Variants in CTNNA3 observed in about 807,000 individuals in gnomAD.
CTNNA3 encodes catenin alpha 3.
In CTNNA3, 76 loss-of-function variants were observed where a neutral mutation model predicts 95.7. The observed-to-expected ratio is 0.79, with a 90% CI of 0.66 to 0.96. The LOEUF (loss-of-function observed/expected upper bound fraction) is 0.96. Ranked by LOEUF, CTNNA3 falls within the 40% of genes least tolerant of loss-of-function variation. The probability of loss-of-function intolerance (pLI) is 0.00; values close to 1 mark genes in which losing one functional copy is unlikely to be tolerated. For synonymous variants in CTNNA3, 431 were observed against 374.4 expected, an observed-to-expected ratio of 1.15 and a Z score of -1.74; for missense variants, 1,191 against 1,089.8, an observed-to-expected ratio of 1.09 and a Z score of -1.31.
At chr10:66,491,107 C>T (rs1332252705) in intron 11 of CTNNA3, among the ~76,000 whole-genome samples, 1 of 152,114 alleles carries the variant, frequency 6.6e-6, no homozygotes, top group Non-Finnish European at 1.5e-5. Flanking sequence ...TGTTCCAGGA[C>T]CTTAGACATC....
At chr10:66,963,362 G>A (rs911934670) in intron 7 of CTNNA3, among the ~76,000 whole-genome samples, 4 of 152,136 alleles carry the variant, frequency 2.6e-5, no homozygotes, top group Non-Finnish European at 5.9e-5. Context: ...TTTGCTTGTA[G>A]TATGGAAAAT....
intron 7 of CTNNA3, among the ~76,000 whole-genome samples, chr10:66,971,104 T>C (rs977997552): frequency 1.4e-4 from 22 of 152,094 alleles, no homozygotes; most frequent in African/African-American, 4.8e-4. Flanking sequence ...GGACTTTAAT[T>C]ACACTGGGCA....
At chr10:67,684,543 C>A (rs1840692798) in intron 1 of CTNNA3, among the ~76,000 whole-genome samples, 1 of 152,202 alleles carries the variant, frequency 6.6e-6, no homozygotes, top group Non-Finnish European at 1.5e-5. Flanking sequence ...GACACCCCAA[C>A]TGCTTTTGGG....
intron 14 of CTNNA3, among the ~76,000 whole-genome samples, chr10:66,088,933 C>T (rs1564631531): frequency 6.6e-6 from 1 of 151,994 alleles, no homozygotes; most frequent in African/African-American, 2.4e-5. Flanking sequence ...GGTGAGGAGT[C>T]ATTTCTTCTT....
intron 7 of CTNNA3, among the ~76,000 whole-genome samples, chr10:67,005,310 A>G (rs1230776267): frequency 1.3e-5 from 2 of 152,172 alleles, no homozygotes; most frequent in African/African-American, 2.4e-5. Flanking sequence ...TCAATGTGGA[A>G]GAGGCATAAT....
At chr10:66,425,887 C>G (rs2093236342) in intron 11 of CTNNA3, among the ~76,000 whole-genome samples, 2 of 152,158 alleles carry the variant, frequency 1.3e-5, no homozygotes, top group African/African-American at 4.8e-5. Flanking sequence ...TCCTTCGTTC[C>G]CCATACAGAC....
At chr10:66,962,974 G>T (rs189423755) in intron 7 of CTNNA3, among the ~76,000 whole-genome samples, 3 of 144,766 alleles carry the variant, frequency 2.1e-5, no homozygotes, top group Non-Finnish European at 4.5e-5. Context: ...AGTAGTTGTT[G>T]ACTGAATGAA....
intron 14 of CTNNA3, chr10:66,079,015 A>G (rs1047611113): frequency 3.9e-4 from 59 of 151,998 alleles, no homozygotes; most frequent in African/African-American, 1.3e-3. Context: ...GTCTGACCAC[A>G]AAGATGGAAA....
intron 11 of CTNNA3, among the ~76,000 whole-genome samples, chr10:66,478,162 T>G (rs1236132146): frequency 6.6e-6 from 1 of 152,108 alleles, no homozygotes. Flanking sequence ...ATTTGTTGTT[T>G]CTAGGTATTC....
At chr10:67,717,533 T>C (rs1169585731) in intron 1 of CTNNA3, among the ~76,000 whole-genome samples, 1 of 152,246 alleles carries the variant, frequency 6.6e-6, no homozygotes, top group Non-Finnish European at 1.5e-5. Flanking sequence ...GTTTTCTGCA[T>C]ATAGCTAGCC....
At chr10:66,066,175 TTATAA>T (rs574798094) in intron 15 of CTNNA3, among the ~76,000 whole-genome samples, 9 of 152,292 alleles carry the variant, frequency 5.9e-5, no homozygotes, top group Admixed American at 2.6e-4. Context: ...CAAGATGATA[TTATAA>T]TATAACTATT....
intron 9 of CTNNA3, among the ~76,000 whole-genome samples, chr10:66,709,954 A>G (rs1034131993): frequency 1.3e-5 from 2 of 152,318 alleles, no homozygotes; most frequent in Admixed American, 1.3e-4. Flanking sequence ...AAAGAAACTA[A>G]TAACACTATA....
rs12252078 is a variant in CTNNA3 at position 66,556,014 on chromosome 10, A to T, written c.1375-35241T>A. The stretch of plus-strand genomic sequence containing the variant: ...AATATACAAGGAATTCACGTAACTC[A>T]CAGCAAAAATAAAAAACAAACAAAA... On this transcript the variant is annotated intron_variant, in intron 10 of 17. Coordinates refer to ENST00000433211, the MANE Select transcript of CTNNA3 (RefSeq NM_013266.4). Among the ~76,000 whole-genome samples the T allele has an allele frequency of 7.6e-3, 1,152 of 152,158 alleles. 20 individuals are homozygous for T. The highest frequency in any genetic ancestry group is 0.027 in the African/African-American group (1,117 of 41,546).
intron 9 of CTNNA3, among the ~76,000 whole-genome samples, chr10:66,646,188 G>C (rs1334351712): frequency 6.6e-6 from 1 of 152,118 alleles, no homozygotes; most frequent in African/African-American, 2.4e-5. Flanking sequence ...GGCAGATAAA[G>C]TTCTGGCATT....
At chr10:66,882,110 C>T (rs1301391278) in intron 7 of CTNNA3, among the ~76,000 whole-genome samples, 1 of 151,920 alleles carries the variant, frequency 6.6e-6, no homozygotes, top group African/African-American at 2.4e-5. Flanking sequence ...TGAAAATGCC[C>T]TATACATATC....
chr10:65,945,225 GC>G (rs1215272167), intron 17 of CTNNA3, among the ~76,000 whole-genome samples: 1 of 151,824 alleles, frequency 6.6e-6, no homozygotes, highest in Non-Finnish European at 1.5e-5. Flanking sequence ...GAGTTCAAAG[GC>G]TATGGTTGGC....
chr10:67,137,872 A>G (rs1860371316), intron 7 of CTNNA3, among the ~76,000 whole-genome samples: 1 of 151,898 alleles, frequency 6.6e-6, no homozygotes, highest in African/African-American at 2.4e-5. Context: ...GACATGCATC[A>G]CTAGATTGTA....
chr10:67,326,403 TC>T (rs1316162485), intron 5 of CTNNA3, among the ~76,000 whole-genome samples: 4 of 151,896 alleles, frequency 2.6e-5, no homozygotes, highest in Non-Finnish European at 4.4e-5. Context: ...CTTTAAGAGT[TC>T]TTGTAAAGTA....
At chr10:66,924,603 T>C (rs1450806854) in intron 7 of CTNNA3, among the ~76,000 whole-genome samples, 1 of 152,202 alleles carries the variant, frequency 6.6e-6, no homozygotes, top group African/African-American at 2.4e-5. Flanking sequence ...AAATCCACCA[T>C]GTACAATATT....
Sources: gnomAD v4.1 joint callset for allele counts (sites outside exome capture counted in the v4.1 genomes callset) on GRCh38, gnomAD v4.1.1 for gene constraint, MANE v1.5 for transcripts, NCBI Gene and HGNC (gene_info 2026-07-23, HGNC 2026-07-21) for gene names.